Variants in PDE1C observed in about 807,000 individuals in gnomAD.
PDE1C encodes the protein phosphodiesterase 1C, also known as dual specificity calcium/calmodulin-dependent 3',5'-cyclic nucleotide phosphodiesterase 1C.
A neutral mutation model predicts 93.1 loss-of-function variants in PDE1C; 62 were observed. The observed-to-expected ratio is 0.67, with a 90% confidence interval of 0.54 to 0.82. The LOEUF (loss-of-function observed/expected upper bound fraction) is 0.82. Ranked by LOEUF, PDE1C falls within the 40% of genes least tolerant of loss-of-function variation. The probability of loss-of-function intolerance (pLI) is 0.00; values close to 1 mark genes in which losing one functional copy is unlikely to be tolerated. For synonymous variants in PDE1C, 325 were observed against 310.1 expected (o/e 1.05, Z -0.50); for missense variants, 742 against 884.6 (o/e 0.84, Z 2.04).
the PDE1C span, among the ~76,000 whole-genome samples, chr7:31,732,929 G>T: frequency 3.3e-5 from 5 of 152,184 alleles, no homozygotes; most frequent in African/African-American, 9.7e-5. Flanking sequence ...AGGCGGGATT[G>T]GAAGGTGGTG....
At chr7:31,891,213 C>T (rs1798591346) in intron 2 of PDE1C, among the ~76,000 whole-genome samples, 1 of 152,126 alleles carries the variant, frequency 6.6e-6, no homozygotes, top group Non-Finnish European at 1.5e-5. Context: ...GAACTGATTG[C>T]TCCTGGTCAC....
chr7:31,658,914 A>T, the PDE1C span, among the ~76,000 whole-genome samples: 4,681 of 152,220 alleles, frequency 0.031, 260 homozygotes, highest in African/African-American at 0.11. Context: ...TCAGAGCCAA[A>T]CCTTATCTTA....
At chr7:31,623,524 T>G in the PDE1C span, among the ~76,000 whole-genome samples, 2 of 151,852 alleles carry the variant, frequency 1.3e-5, no homozygotes, top group East Asian at 3.9e-4. Flanking sequence ...TCTCAATAGA[T>G]GCAGAAAAGG....
At chr7:32,310,014 T>G (rs1344814471) in intron 1 of PDE1C, among the ~76,000 whole-genome samples, 9 of 152,146 alleles carry the variant, frequency 5.9e-5, no homozygotes, top group Non-Finnish European at 7.3e-5. Flanking sequence ...CCATGTCATG[T>G]GCAGAGACAC....
chr7:31,715,381 C>T, the PDE1C span, among the ~76,000 whole-genome samples: 1 of 152,050 alleles, frequency 6.6e-6, no homozygotes, highest in East Asian at 1.9e-4. Flanking sequence ...TGGGATTACA[C>T]ATGCCCAGCG....
chr7:32,017,141 A>G (rs1226985521), intron 2 of PDE1C, among the ~76,000 whole-genome samples: 12 of 152,162 alleles, frequency 7.9e-5, no homozygotes, highest in Non-Finnish European at 1.5e-4. Context: ...GCTAATCATT[A>G]TTTGTTAACC....
the PDE1C span, among the ~76,000 whole-genome samples, chr7:31,711,780 T>A: frequency 6.6e-6 from 1 of 152,156 alleles, no homozygotes; most frequent in Non-Finnish European, 1.5e-5. Context: ...GAAATTAAAG[T>A]GACCCTTTTC....
At chr7:31,939,941 C>T (rs1401666608) in intron 2 of PDE1C, among the ~76,000 whole-genome samples, 2 of 152,048 alleles carry the variant, frequency 1.3e-5, no homozygotes, top group Non-Finnish European at 2.9e-5. Context: ...AGTGAGTATC[C>T]ACCATCACAG....
intron 1 of PDE1C, among the ~76,000 whole-genome samples, chr7:32,308,880 C>A (rs1221250304): frequency 6.6e-6 from 1 of 151,084 alleles, no homozygotes; most frequent in South Asian, 2.1e-4. Context: ...TCACCAGCAA[C>A]TGAACAAACC....
chr7:31,665,716 C>A, the PDE1C span, among the ~76,000 whole-genome samples: 1 of 152,134 alleles, frequency 6.6e-6, no homozygotes, highest in Non-Finnish European at 1.5e-5. Context: ...CTTCTTCTAC[C>A]CTTTTGGCGA....
At chr7:32,276,530 G>A (rs1811300744) in intron 1 of PDE1C, among the ~76,000 whole-genome samples, 1 of 152,162 alleles carries the variant, frequency 6.6e-6, no homozygotes, top group Admixed American at 6.5e-5. Flanking sequence ...GAGTGGGGCT[G>A]GGTGACTGCA....
chr7:32,404,166 GGC>G (rs1201508377), intron 1 of PDE1C, among the ~76,000 whole-genome samples: 1 of 152,106 alleles, frequency 6.6e-6, no homozygotes, highest in Non-Finnish European at 1.5e-5. Flanking sequence ...CTTTTCTCGT[GGC>G]TGCAATGGGA....
intron 1 of PDE1C, among the ~76,000 whole-genome samples, chr7:32,265,072 A>C (rs1415231610): frequency 6.6e-6 from 1 of 152,246 alleles, no homozygotes; most frequent in African/African-American, 2.4e-5. Context: ...GGGTTCAAGC[A>C]GTTAACAAAA....
Position 32,207,474 on chromosome 7 carries a change from G to A in PDE1C, c.136+2015C>T, listed in dbSNP as rs113839298. ...TGGTAAAGTGAAGTAAGCATCAATCGGACATTGCTACATTAAAAATAATTT... is the reference window on the plus strand; with the variant it reads ...TGGTAAAGTGAAGTAAGCATCAATCAGACATTGCTACATTAAAAATAATTT... On this transcript the variant is annotated intron_variant, in intron 2 of 18. Transcript: ENST00000396193. Among the ~76,000 whole-genome samples, 1,398 of 152,046 alleles carry A rather than the reference G, an allele frequency of 9.2e-3. 25 individuals are homozygous for A. The highest frequency in any genetic ancestry group is 0.031 in the African/African-American group (1,283 of 41,470).
At chr7:31,631,139 A>G in the PDE1C span, among the ~76,000 whole-genome samples, 1 of 152,342 alleles carries the variant, frequency 6.6e-6, no homozygotes, top group Non-Finnish European at 1.5e-5. Flanking sequence ...TTTTAACATT[A>G]TAAGAAAATA....
the PDE1C span, among the ~76,000 whole-genome samples, chr7:31,689,081 G>A: frequency 1.3e-5 from 2 of 152,250 alleles, no homozygotes; most frequent in East Asian, 3.9e-4. Flanking sequence ...CCCCTCTAGA[G>A]CTGTTATATA....
At chr7:31,695,355 T>C in the PDE1C span, 1 of 932,578 alleles carries the variant, frequency 1.1e-6, no homozygotes, top group Middle Eastern at 3.2e-4. Flanking sequence ...ACTTTTCCTT[T>C]TCAGGCCAAA....
intron 3 of PDE1C, among the ~76,000 whole-genome samples, chr7:32,087,186 C>A (rs1165595093): frequency 6.7e-6 from 1 of 148,930 alleles, no homozygotes; most frequent in African/African-American, 2.5e-5. Context: ...AAAAAGTGGG[C>A]GAAGGATATG....
At chr7:32,245,268 G>A (rs921017765) in intron 1 of PDE1C, among the ~76,000 whole-genome samples, 3 of 152,100 alleles carry the variant, frequency 2.0e-5, no homozygotes, top group African/African-American at 7.2e-5. Context: ...ACCCAAGCAG[G>A]CAGACAGCCC....
Sources: gnomAD v4.1 joint callset for allele counts (sites outside exome capture counted in the v4.1 genomes callset) on GRCh38, gnomAD v4.1.1 for gene constraint, MANE v1.5 for transcripts, NCBI Gene and HGNC (gene_info 2026-07-23, HGNC 2026-07-21) for gene names.